Variants in BBS1 observed in about 807,000 individuals in gnomAD.
BBS1 encodes BBSome complex member BBS1.
BBS1 carries 60 observed loss-of-function variants against 73.9 expected under a neutral mutation model. The ratio of observed to expected loss-of-function variants is 0.81; its 90% CI spans 0.66 to 1.01. BBS1 has a LOEUF of 1.01. Ranked by LOEUF, BBS1 falls within the 50% of genes least tolerant of loss-of-function variation. The probability of loss-of-function intolerance (pLI) is 0.00; values close to 1 mark genes in which losing one functional copy is unlikely to be tolerated. For missense variants in BBS1, 718 were observed against 770.3 expected (o/e 0.93, Z 0.80); for synonymous variants, 283 against 317.4 (o/e 0.89, Z 1.15).
chr11:66,515,575 G>A lies in BBS1; in HGVS notation c.468G>A (p.Leu156=), dbSNP rs752092460. 3 of 1,614,158 alleles carry A rather than the reference G, an allele frequency of 1.9e-6. No individual in the cohort carries two copies. The South Asian group carries it at 3.3e-5, about 18-fold the overall frequency. ...ACCCCTTAACCCTGAAGGAGATGCT[G>A]GAGAGCATCCGGTGAGAGGCTGCCT... The part of the protein sequence containing the change: ...RIDPLTLKEM[L]ESIRETAEEP... Residue 156 remains leucine (L), a synonymous_variant, in exon 5 of 17, where the codon CTG becomes CTA. Transcript: ENST00000318312.
intron 13 of BBS1, chr11:66,528,941 C>T: frequency 2.2e-6 from 1 of 459,270 alleles, no homozygotes; most frequent in Non-Finnish European, 2.7e-6. Flanking sequence ...GCACTCCAGC[C>T]TGGGTAACAA....
Position 66,532,179 on chromosome 11 carries a change from C to T in BBS1, c.*142C>T. 2.3e-6 allele frequency: 2 copies of T among 876,744 alleles called. No individual in the cohort carries two copies. Among genetic ancestry groups the T allele is most frequent in the Non-Finnish European group, 3.5e-6 (2 of 574,604 alleles). The allele number at this position is 876,744 out of a possible 1,614,324, so 54.3% of individuals were successfully genotyped here. On this transcript the variant is annotated 3_prime_UTR_variant, in exon 17 of 17. Coordinates refer to ENST00000318312, the MANE Select transcript of BBS1 (RefSeq NM_024649.5). Reference sequence around the variant, plus strand: ...CTCTTAAGCACCCGCTTCCTCACCACCCCCACTGTTGGGCCTATAGTAGCA... The same window carrying T: ...CTCTTAAGCACCCGCTTCCTCACCATCCCCACTGTTGGGCCTATAGTAGCA...
chr11:66,529,711 C>G, intron 13 of BBS1, 108 bp from the exon 14 acceptor site: 1 of 1,393,964 alleles, frequency 7.2e-7, no homozygotes, highest in Non-Finnish European at 1.0e-6. Flanking sequence ...CCTGCAGCAC[C>G]CTCCTCTTGC....
At chr11:66,518,646 T>G (rs769651960) in intron 7 of BBS1, among the ~76,000 whole-genome samples, 3 of 151,830 alleles carry the variant, frequency 2.0e-5, no homozygotes, top group Non-Finnish European at 4.4e-5. Context: ...TCATATTTTT[T>G]GGTAGAGATG....
chr11:66,515,539 G>A lies in BBS1; in HGVS notation c.433-1G>A, dbSNP rs776553248. 1 of 1,614,152 alleles carries A rather than the reference G, an allele frequency of 6.2e-7. No homozygotes were observed. Among genetic ancestry groups the A allele is most frequent in the Non-Finnish European group, 8.5e-7 (1 of 1,180,030 alleles). On this transcript the variant is annotated splice_acceptor_variant, in intron 4 of 16. Coordinates refer to ENST00000318312, the MANE Select transcript of BBS1 (RefSeq NM_024649.5). LOFTEE classifies it high-confidence loss of function. ...CAGGCTCTCTTCCCACATTGTCACA[G>A]GACCGAATCGACCCCTTAACCCTGA... is the stretch of plus-strand genomic sequence containing the variant.
At position 66,531,006 on chromosome 11, in the gene BBS1, C is replaced by T. The variant is rs1565290599; in HGVS notation, c.1586C>T (p.Ser529Phe). The part of the protein sequence containing the change: ...VCFLYNEALY[S>F]LPRAFFKVPL... Reference sequence around the variant, plus strand: ...TTCCTGTACAACGAGGCGCTCTATTCCCTGCCCCGGGCCTTCTTCAAGGTA... The same window carrying T: ...TTCCTGTACAACGAGGCGCTCTATTTCCTGCCCCGGGCCTTCTTCAAGGTA... Residue 529 changes from serine (S) to phenylalanine (F), a missense_variant, in exon 15 of 17, where the codon TCC becomes TTC. Transcript: ENST00000318312. 1.9e-6 allele frequency: 3 copies of T among 1,614,228 alleles called. No individual in the cohort carries two copies. The highest frequency in any genetic ancestry group is 2.5e-6 in the Non-Finnish European group (3 of 1,180,040).
chr11:66,531,142 T>C, intron 15 of BBS1, 114 bp downstream of exon 15: 1 of 1,437,510 alleles, frequency 7.0e-7, no homozygotes, highest in Non-Finnish European at 9.5e-7. Flanking sequence ...GGCTGCCAGG[T>C]GGCCAGCAGA....
At chr11:66,530,709 A>C (rs909951414) in intron 14 of BBS1, among the ~76,000 whole-genome samples, 185 bp from the exon 15 acceptor site, 5 of 152,228 alleles carry the variant, frequency 3.3e-5, no homozygotes, top group African/African-American at 1.2e-4. Context: ...GGCCTCCCTC[A>C]GGCTCTTGCC....
intron 13 of BBS1, chr11:66,527,198 C>T (rs74491182): frequency 0.079 from 44,031 of 557,664 alleles, 2,506 homozygotes; most frequent in East Asian, 0.11. Flanking sequence ...CATAATGATA[C>T]TTCTTTCTCA....
At position 66,514,415 on chromosome 11, in the gene BBS1, G is replaced by C. The variant is rs1355873337; in HGVS notation, c.169G>C (p.Gly57Arg). 1.9e-6 allele frequency: 3 copies of C among 1,613,984 alleles called. No homozygotes were observed. The African/African-American group carries it at 4.0e-5, about 22-fold the overall frequency. ...HGDGEYKLVVGDLGPGGQQPR... is the reference protein window; with the variant it reads ...HGDGEYKLVVRDLGPGGQQPR... ...CATCCTCTCCCTGCAGCTGGTGGTA[G>C]GGGACCTTGGCCCTGGTGGGCAGCA... is the stretch of plus-strand genomic sequence containing the variant. Residue 57 changes from glycine (G) to arginine (R), a missense_variant, in exon 4 of 17, where the codon GGG becomes CGG. By Grantham distance (125) the Gly-to-Arg change is moderately radical. Coordinates refer to ENST00000318312, the MANE Select transcript of BBS1 (RefSeq NM_024649.5).
chr11:66,516,273 GCA>G (rs1435584783), intron 7 of BBS1, among the ~76,000 whole-genome samples: 1 of 151,808 alleles, frequency 6.6e-6, no homozygotes, highest in Non-Finnish European at 1.5e-5. Context: ...TTATAGGCAT[GCA>G]CCAACACACC....
intron 7 of BBS1, among the ~76,000 whole-genome samples, chr11:66,518,831 C>A (rs1203530547): frequency 6.6e-6 from 1 of 150,848 alleles, no homozygotes; most frequent in Non-Finnish European, 1.5e-5. Flanking sequence ...GATCATAGCT[C>A]ACTGGAGCAT....
At position 66,514,468 on chromosome 11, in the gene BBS1, A is replaced by C; in HGVS notation, c.222A>C (p.Pro74=). ...QQPRLKVLKG[P]LVMTESPLPA... ...CCCGCCTGAAGGTGCTCAAAGGACC[A>C]CTGGTGATGACCGAAAGCCCGCTAC... The change falls in exon 4 of 17, where the codon CCA becomes CCC. Residue 74 remains proline (P), a synonymous_variant. Transcript: ENST00000318312. The C allele has an allele frequency of 6.2e-7, 1 of 1,614,212 alleles. No individual in the cohort carries two copies. The highest frequency in any genetic ancestry group is 1.6e-4 in the Middle Eastern group (1 of 6,062).
rs1421445173 is a variant in BBS1, at chr11:66,519,680, C to T, written c.655C>T (p.Leu219=). Residue 219 remains leucine, a synonymous_variant, in exon 8 of 17, where the codon CTG becomes TTG. Coordinates refer to ENST00000318312, the MANE Select transcript of BBS1 (RefSeq NM_024649.5). The part of the protein sequence containing the change: ...NLADEDAVSC[L]VLGTENKELL... ...GGCTGACGAGGATGCTGTGTCTTGC[C>T]TGGTGCTGGGCACCGAGAACAAGGA... The T allele has an allele frequency of 6.2e-7, 1 of 1,613,812 alleles. No homozygotes were observed.
At chr11:66,530,798 A>G in intron 14 of BBS1, 96 bp from the exon 15 acceptor site, 1 of 1,527,248 alleles carries the variant, frequency 6.5e-7, no homozygotes, top group South Asian at 1.1e-5. Flanking sequence ...GGAGGAGGGG[A>G]CATGAGGGCA....
chr11:66,512,064 GTATA>G (rs201490195), intron 3 of BBS1, among the ~76,000 whole-genome samples: 3 of 145,026 alleles, frequency 2.1e-5, no homozygotes, highest in East Asian at 2.0e-4. Context: ...GTATATATAT[GTATA>G]TATATATACA....
rs1203510775 is a variant in BBS1, at chr11:66,526,676, A to G, written c.1208A>G (p.Lys403Arg). Residue 403 changes from lysine (K) to arginine (R), a missense_variant, in exon 13 of 17, where the codon AAG becomes AGG. Lys to Arg is a conservative substitution (Grantham distance 26). Transcript: ENST00000318312. ...RGGGLIIKIL[K>R]RTAVFVEGGS... ...GGTGGCCTGATCATCAAGATCCTGA[A>G]GCGTACAGCAGTGTTTGTAGAGGGA... 3 of 1,614,178 alleles carry G rather than the reference A, an allele frequency of 1.9e-6. No homozygotes were observed. In the East Asian group the frequency reaches 6.7e-5, roughly 36 times the overall value.
Position 66,532,934 on chromosome 11 carries a change from C to G in BBS1, c.*897C>G, listed in dbSNP as rs1381791576. 6.6e-6 allele frequency: 1 copy of G among 152,278 alleles called. No homozygotes were observed. The highest frequency in any genetic ancestry group is 1.5e-5 in the Non-Finnish European group (1 of 68,064). The allele number at this position is 152,278 out of a possible 1,614,324, so 9.4% of individuals were successfully genotyped here. A position where few individuals can be genotyped will look rare whatever the true frequency, so the allele number is the denominator to read the frequency against. On this transcript the variant is annotated 3_prime_UTR_variant, in exon 17 of 17. Transcript: ENST00000318312. ...GCCCATATAGATGCCCTTCTACATC[C>G]TGGAGCCCAAATCAGTCATGTGGGT...
chr11:66,522,723 T>TC, intron 9 of BBS1: 10 of 205,842 alleles, frequency 4.9e-5, no homozygotes, highest in East Asian at 2.6e-4. Context: ...ATTAGGGATA[T>TC]ATTGATGAAC....
Sources: gnomAD v4.1 joint callset for allele counts (sites outside exome capture counted in the v4.1 genomes callset) on GRCh38, gnomAD v4.1.1 for gene constraint, MANE v1.5 for transcripts, NCBI Gene and HGNC (gene_info 2026-07-23, HGNC 2026-07-21) for gene names.